ZNF536: variants seen among roughly 807,000 people sequenced by gnomAD.
The protein encoded by ZNF536 is zinc finger protein 536.
ZNF536 carries 13 observed loss-of-function variants against 84.5 expected under a neutral mutation model. The observed-to-expected ratio is 0.15, with a 90% CI of 0.10 to 0.24. ZNF536 has a LOEUF of 0.24. Ranked by LOEUF, ZNF536 falls within the 10% of genes least tolerant of loss-of-function variation. ZNF536 has a pLI of 1.00. For missense variants in ZNF536, 1,536 were observed against 1,747.5 expected (o/e 0.88, Z 2.16); for synonymous variants, 811 against 742.5 (o/e 1.09, Z -1.50).
In ZNF536 at chr19:30,557,083, C is replaced by T. The variant is rs2146368317; in HGVS notation, c.3896-74C>T. 4 of 1,525,426 alleles carry T rather than the reference C, an allele frequency of 2.6e-6. No homozygotes were observed. The South Asian group carries it at 4.6e-5, about 18-fold the overall frequency. The allele number at this position is 1,525,426 out of a possible 1,614,324, so 94.5% of individuals were successfully genotyped here. A position where few individuals can be genotyped will look rare whatever the true frequency, so the allele number is the denominator to read the frequency against. ...CATTAAACGATTAGGGGATGTGGCC[C>T]TGCCCTTGCTTTCAAATGCCTCTAG... On this transcript the variant is annotated intron_variant, in intron 4 of 4. Transcript: ENST00000355537.
At chr19:30,694,812 C>A (rs1250114830) in intron 1 of ZNF536, among the ~76,000 whole-genome samples, 4 of 152,080 alleles carry the variant, frequency 2.6e-5, no homozygotes, top group African/African-American at 9.7e-5. Flanking sequence ...ATGGGGGAGG[C>A]CTGTGGGCTT....
At chr19:30,249,682 A>C (rs1308527400) in intron 1 of ZNF536, among the ~76,000 whole-genome samples, 1 of 152,158 alleles carries the variant, frequency 6.6e-6, no homozygotes, top group Non-Finnish European at 1.5e-5. Flanking sequence ...AAAAACCCAC[A>C]TTCAGAGCAA....
chr19:30,544,279 GC>G (rs1395425177), intron 3 of ZNF536, among the ~76,000 whole-genome samples: 2 of 152,272 alleles, frequency 1.3e-5, no homozygotes, highest in East Asian at 3.9e-4. Flanking sequence ...AGTGCAGAAG[GC>G]AGAGGAAGCA....
chr19:30,347,141 T>C (rs1215547002), intron 2 of ZNF536, among the ~76,000 whole-genome samples: 1 of 151,938 alleles, frequency 6.6e-6, no homozygotes, highest in East Asian at 1.9e-4. Flanking sequence ...TGGCCGCATG[T>C]ATGCCTTCTT....
chr19:30,559,983 G>A (rs182557441), downstream of ZNF536, among the ~76,000 whole-genome samples: 569 of 152,122 alleles, frequency 3.7e-3, 5 homozygotes, highest in African/African-American at 0.013. Context: ...AGCCAGCTCC[G>A]TCCTGCTCCC....
chr19:30,522,743 A>T (rs1458108593), intron 2 of ZNF536, among the ~76,000 whole-genome samples: 1 of 152,096 alleles, frequency 6.6e-6, no homozygotes, highest in Non-Finnish European at 1.5e-5. Flanking sequence ...AAATTTTAAG[A>T]TGTTCATTCT....
intron 1 of ZNF536, among the ~76,000 whole-genome samples, chr19:30,564,278 T>A (rs748929232): frequency 6.6e-6 from 1 of 151,536 alleles, no homozygotes; most frequent in Non-Finnish European, 1.5e-5. Flanking sequence ...GAGGCCAGAC[T>A]GGGCAACAGA....
rs758374956 is a variant in ZNF536, at chr19:30,445,008, G to A, written c.1446G>A (p.Glu482=). The change falls in exon 2 of 5, where the codon GAG becomes GAA. Residue 482 remains glutamate, a synonymous_variant. Coordinates refer to ENST00000355537, the MANE Select transcript of ZNF536 (RefSeq NM_014717.3). This position sits in a 1 kb window ranked among gnomAD's most constrained non-coding sequence, Gnocchi z 4.5. ...PISSMAHGVP[E]GDKHSLLGCL... ...CCAGCATGGCCCACGGCGTCCCGGA[G>A]GGGGACAAGCACTCCCTCCTGGGAT... is the stretch of plus-strand genomic sequence containing the variant. 63 of 1,611,644 alleles carry A rather than the reference G, an allele frequency of 3.9e-5. 2 individuals carry two copies. The highest frequency in any genetic ancestry group is 3.3e-4 in the Middle Eastern group (2 of 6,052).
rs563217855 is a variant in ZNF536, at chr19:30,337,964, G to A, written c.-119-14404G>A. Among the ~76,000 whole-genome samples the A allele has an allele frequency of 3.9e-4, 59 of 151,822 alleles. 2 individuals carry two copies. The South Asian group carries it at 0.012, about 31-fold the overall frequency. On this transcript the variant is annotated intron_variant, in intron 2 of 5. Coordinates refer to the ZNF536 transcript ENST00000585628. ...TATGATGATAATGGTGATCGTGATG[G>A]TGATGATTGTGATTATGATGATGAT... is the stretch of plus-strand genomic sequence containing the variant.
chr19:30,456,458 A>C (rs949342749), intron 2 of ZNF536, among the ~76,000 whole-genome samples: 1 of 151,938 alleles, frequency 6.6e-6, no homozygotes, highest in African/African-American at 2.4e-5. Context: ...CAGGCTGGTG[A>C]GTCCGAGGTG....
intron 4 of ZNF536, among the ~76,000 whole-genome samples, chr19:30,550,883 C>T (rs1433411812): frequency 6.6e-6 from 1 of 152,154 alleles, no homozygotes. Context: ...GTTCCTTATG[C>T]TGAATGATTC....
intron 1 of ZNF536, among the ~76,000 whole-genome samples, chr19:30,417,649 C>T (rs2050790405): frequency 6.6e-6 from 1 of 152,094 alleles, no homozygotes; most frequent in Admixed American, 6.5e-5. Context: ...TTAGAACTTC[C>T]ATAACAATAT....
intron 1 of ZNF536, among the ~76,000 whole-genome samples, chr19:30,563,443 C>T (rs570581042): frequency 2.0e-4 from 30 of 152,302 alleles, no homozygotes; most frequent in South Asian, 4.2e-4. Flanking sequence ...AATCATCTCT[C>T]GTGGCCAATC....
intron 1 of ZNF536, among the ~76,000 whole-genome samples, chr19:30,653,879 A>G (rs1219559738): frequency 3.3e-5 from 5 of 152,194 alleles, no homozygotes; most frequent in Admixed American, 3.3e-4. Flanking sequence ...GCAATGGTGG[A>G]GGCTGCGTGC....
chr19:30,481,158 A>G (rs1421587187), intron 2 of ZNF536, among the ~76,000 whole-genome samples: 1 of 152,236 alleles, frequency 6.6e-6, no homozygotes, highest in Non-Finnish European at 1.5e-5. Flanking sequence ...AGGTTCCCTA[A>G]GAACATGTTC....
At chr19:30,399,397 T>C (rs2049954596) in intron 1 of ZNF536, among the ~76,000 whole-genome samples, 1 of 152,204 alleles carries the variant, frequency 6.6e-6, no homozygotes, top group Non-Finnish European at 1.5e-5. Context: ...TTTCTTTTGC[T>C]GTGCAGAAGC....
chr19:30,601,447 G>A (rs1038483152), intron 1 of ZNF536, among the ~76,000 whole-genome samples: 1 of 152,140 alleles, frequency 6.6e-6, no homozygotes, highest in Non-Finnish European at 1.5e-5. Context: ...AGCCCCTGAT[G>A]GGGGAGCCTG....
chr19:30,571,890 T>C (rs574161570), intron 1 of ZNF536, among the ~76,000 whole-genome samples: 2 of 151,910 alleles, frequency 1.3e-5, no homozygotes, highest in African/African-American at 4.8e-5. Flanking sequence ...GATAGGGAGG[T>C]TGGAGAGAGG....
chr19:30,422,213 T>A (rs887347674), intron 1 of ZNF536, among the ~76,000 whole-genome samples: 2 of 152,086 alleles, frequency 1.3e-5, no homozygotes, highest in Non-Finnish European at 2.9e-5. Context: ...ACTGGAGAGT[T>A]TAGGATTTTA....
Sources: gnomAD v4.1 joint callset for allele counts (sites outside exome capture counted in the v4.1 genomes callset) on GRCh38, gnomAD v4.1.1 for gene constraint, Gnocchi (gnomAD v3.1) non-coding constraint, MANE v1.5 for transcripts, NCBI Gene and HGNC (gene_info 2026-07-23, HGNC 2026-07-21) for gene names.